DGKB: variants seen among roughly 807,000 people sequenced by gnomAD.
The protein encoded by DGKB is diacylglycerol kinase beta.
In DGKB, 67 loss-of-function variants were observed where a neutral mutation model predicts 114.3. The ratio of observed to expected loss-of-function variants is 0.59; its 90% CI spans 0.48 to 0.72. The LOEUF is 0.72. DGKB is among the 30% of genes least tolerant of loss of function. The probability of loss-of-function intolerance (pLI) is 0.00; values close to 1 mark genes in which losing one functional copy is unlikely to be tolerated. For synonymous variants in DGKB, 398 were observed against 323.1 expected, an observed-to-expected ratio of 1.23 and a Z score of -2.49; for missense variants, 907 against 975.2, an observed-to-expected ratio of 0.93 and a Z score of 0.93.
intron 23 of DGKB, among the ~76,000 whole-genome samples, chr7:14,308,678 A>T (rs28522067): frequency 5.7e-4 from 87 of 152,312 alleles, no homozygotes; most frequent in African/African-American, 1.9e-3. Flanking sequence ...GAAGGTAGAT[A>T]AAAGGGAAAT....
At chr7:14,375,428 C>T (rs1484854197) in intron 21 of DGKB, among the ~76,000 whole-genome samples, 1 of 151,616 alleles carries the variant, frequency 6.6e-6, no homozygotes, top group Non-Finnish European at 1.5e-5. Context: ...ACATTCAGTC[C>T]TCACAATGAA....
At chr7:14,391,994 G>A (rs550862829) in intron 21 of DGKB, among the ~76,000 whole-genome samples, 1 of 152,170 alleles carries the variant, frequency 6.6e-6, no homozygotes, top group East Asian at 1.9e-4. Context: ...TACTTAAATG[G>A]TGTGAAAATT....
At chr7:14,493,581 A>T (rs1368913468) in intron 20 of DGKB, among the ~76,000 whole-genome samples, 4 of 152,130 alleles carry the variant, frequency 2.6e-5, no homozygotes, top group South Asian at 4.1e-4. Context: ...TGAATGTAGC[A>T]TTAGGCTACG....
intron 23 of DGKB, among the ~76,000 whole-genome samples, chr7:14,328,445 G>C (rs1809138608): frequency 6.6e-6 from 1 of 151,864 alleles, no homozygotes; most frequent in Non-Finnish European, 1.5e-5. Flanking sequence ...GTTTAAAAAG[G>C]GTAGAAAGTA....
chr7:14,535,378 G>GAAAAAAAAAAAA (rs111762380), intron 20 of DGKB, among the ~76,000 whole-genome samples: 12 of 123,532 alleles, frequency 9.7e-5, no homozygotes, highest in African/African-American at 2.6e-4. Context: ...CTTAAAAAAA[G>GAAAAAAAAAAAA]AAAAAAAAAA....
At chr7:14,482,804 A>T (rs7782805) in intron 20 of DGKB, among the ~76,000 whole-genome samples, 49,614 of 151,908 alleles carry the variant, frequency 0.33, 8,676 homozygotes, top group South Asian at 0.43. Flanking sequence ...ATAAGGCACT[A>T]TTTTCACCTG....
intron 21 of DGKB, among the ~76,000 whole-genome samples, chr7:14,366,957 A>G (rs1162026125): frequency 6.6e-6 from 1 of 152,138 alleles, no homozygotes; most frequent in African/African-American, 2.4e-5. Context: ...TCCAATTTAC[A>G]TGGCTCAACT....
chr7:14,671,313 G>A (rs1188427322), intron 13 of DGKB, among the ~76,000 whole-genome samples: 1 of 151,990 alleles, frequency 6.6e-6, no homozygotes, highest in African/African-American at 2.4e-5. Context: ...GTCAATGAAA[G>A]GTAGACATTT....
intron 2 of DGKB, among the ~76,000 whole-genome samples, chr7:14,796,554 G>A (rs1314718399): frequency 2.0e-5 from 3 of 152,032 alleles, no homozygotes; most frequent in Admixed American, 2.0e-4. Flanking sequence ...GAAGACAAAA[G>A]CATAATCAAA....
chr7:14,691,323 G>C (rs1822827115), intron 9 of DGKB, among the ~76,000 whole-genome samples: 1 of 152,114 alleles, frequency 6.6e-6, no homozygotes, highest in Non-Finnish European at 1.5e-5. Flanking sequence ...ATTGACAATA[G>C]ACAATAACAT....
chr7:14,695,985 A>G (rs532701281), intron 8 of DGKB, among the ~76,000 whole-genome samples: 69 of 152,212 alleles, frequency 4.5e-4, no homozygotes, highest in South Asian at 1.5e-3. Context: ...TATCAGTAAC[A>G]CACATGTCAA....
At chr7:14,745,469 C>T (rs992234714) in intron 4 of DGKB, among the ~76,000 whole-genome samples, 3 of 152,144 alleles carry the variant, frequency 2.0e-5, no homozygotes, top group African/African-American at 7.2e-5. Flanking sequence ...AAGGAGGGTC[C>T]ACAGAGAACC....
At chr7:14,671,079 G>T (rs1818882866) in intron 13 of DGKB, among the ~76,000 whole-genome samples, 2 of 152,094 alleles carry the variant, frequency 1.3e-5, no homozygotes, top group Admixed American at 6.6e-5. Flanking sequence ...TTCTAGGTTT[G>T]GAATTTAGGA....
intron 4 of DGKB, among the ~76,000 whole-genome samples, chr7:14,741,071 TC>T (rs1336284475): frequency 1.3e-5 from 2 of 152,054 alleles, no homozygotes; most frequent in Admixed American, 6.6e-5. Context: ...GCCTTCTTTG[TC>T]CCCCTTGGTC....
At chr7:14,529,571 C>T (rs1791218402) in intron 20 of DGKB, among the ~76,000 whole-genome samples, 1 of 151,640 alleles carries the variant, frequency 6.6e-6, no homozygotes, top group African/African-American at 2.4e-5. Context: ...AAATATATCA[C>T]TCTACATGAA....
At chr7:14,283,960 A>G (rs1014368283) in intron 23 of DGKB, among the ~76,000 whole-genome samples, 2 of 152,184 alleles carry the variant, frequency 1.3e-5, no homozygotes, top group African/African-American at 2.4e-5. Context: ...ATGGGCAAGG[A>G]CTTCATGTCT....
At chr7:14,364,302 T>A (rs1816270307) in intron 21 of DGKB, among the ~76,000 whole-genome samples, 1 of 151,842 alleles carries the variant, frequency 6.6e-6, no homozygotes, top group Admixed American at 6.6e-5. Context: ...ACAATAAAAT[T>A]ATTGCCCAGA....
At chr7:14,552,096 A>C (rs1386155331) in intron 20 of DGKB, among the ~76,000 whole-genome samples, 1 of 152,176 alleles carries the variant, frequency 6.6e-6, no homozygotes, top group African/African-American at 2.4e-5. Flanking sequence ...AAATATGCTA[A>C]CAGTTTAAAA....
At chr7:14,262,733 T>C (rs2128415738) in intron 23 of DGKB, among the ~76,000 whole-genome samples, 1 of 151,636 alleles carries the variant, frequency 6.6e-6, no homozygotes, top group African/African-American at 2.4e-5. Context: ...AGATAGGGAG[T>C]GCATGTGGAA....
Sources: allele counts gnomAD v4.1 joint callset (sites outside exome capture counted in the v4.1 genomes callset), GRCh38; gene constraint gnomAD v4.1.1; transcripts MANE v1.5; gene names NCBI Gene and HGNC (gene_info 2026-07-23, HGNC 2026-07-21).